The following CATSPER3 variants were observed in gnomAD, a reference collection of about 807,000 sequenced individuals.
The protein encoded by CATSPER3 is cation channel sperm associated 3.
CATSPER3 carries 23 observed loss-of-function variants against 36.6 expected under a neutral mutation model. That is an observed-to-expected ratio of 0.63 (90% CI 0.45 to 0.89). CATSPER3 has a LOEUF of 0.89. CATSPER3 is among the 40% of genes least tolerant of loss of function. The pLI, the probability that CATSPER3 is intolerant of heterozygous loss-of-function variation, is 0.00. For missense variants in CATSPER3, 474 were observed against 503.9 expected (o/e 0.94, Z 0.57); for synonymous variants, 172 against 184.1 (o/e 0.93, Z 0.53).
intron 3 of CATSPER3, among the ~76,000 whole-genome samples, chr5:135,002,452 C>G (rs1437395033): frequency 6.6e-6 from 1 of 152,162 alleles, no homozygotes; most frequent in Non-Finnish European, 1.5e-5. Flanking sequence ...TGGAGTTGCT[C>G]TTCTCGAGGA....
chr5:134,986,062 CA>C (rs1461858634), intron 2 of CATSPER3, among the ~76,000 whole-genome samples: 1 of 151,630 alleles, frequency 6.6e-6, no homozygotes, highest in Non-Finnish European at 1.5e-5. Context: ...TAAAATTAGA[CA>C]AAGTATCTTC....
intron 2 of CATSPER3, among the ~76,000 whole-genome samples, chr5:134,985,461 G>A (rs1177776621): frequency 6.6e-6 from 1 of 152,034 alleles, no homozygotes; most frequent in African/African-American, 2.4e-5. Context: ...AGGAGGGTGA[G>A]GGACAAAAAA....
At chr5:135,004,599 G>A (rs950462787) in intron 3 of CATSPER3, among the ~76,000 whole-genome samples, 1 of 152,184 alleles carries the variant, frequency 6.6e-6, no homozygotes, top group African/African-American at 2.4e-5. Flanking sequence ...CAGGTGTTGG[G>A]CACCAAGGGA....
At chr5:135,011,295 C>T (rs2149554570) in intron 7 of CATSPER3, among the ~76,000 whole-genome samples, 1 of 152,212 alleles carries the variant, frequency 6.6e-6, no homozygotes, top group East Asian at 1.9e-4. Context: ...CTCTCAGGAC[C>T]TAAGAATTTA....
intron 3 of CATSPER3, among the ~76,000 whole-genome samples, chr5:134,997,992 A>G (rs1751971556): frequency 6.6e-6 from 1 of 152,136 alleles, no homozygotes. Context: ...TTACATATGT[A>G]TACATGTGCC....
intron 4 of CATSPER3, among the ~76,000 whole-genome samples, chr5:135,008,492 C>T (rs1162835718): frequency 6.6e-6 from 1 of 152,182 alleles, no homozygotes; most frequent in Admixed American, 6.5e-5. Flanking sequence ...CTAGAAGAAG[C>T]ATGCAAAACC....
chr5:135,010,631 G>T, intron 7 of CATSPER3, 101 bp downstream of exon 7: 1 of 1,013,784 alleles, frequency 9.9e-7, no homozygotes, highest in East Asian at 2.4e-5. Flanking sequence ...CTGAAGTGCT[G>T]ATGGGCAGTG....
chr5:134,972,180 T>G (rs1430820362), intron 2 of CATSPER3, among the ~76,000 whole-genome samples: 4 of 152,192 alleles, frequency 2.6e-5, no homozygotes, highest in African/African-American at 9.7e-5. Flanking sequence ...GACGTGACAC[T>G]CAAAGGAAAT....
chr5:134,976,272 G>A (rs1314919551), intron 2 of CATSPER3, among the ~76,000 whole-genome samples: 1 of 152,134 alleles, frequency 6.6e-6, no homozygotes, highest in African/African-American at 2.4e-5. Flanking sequence ...GATGATCTGT[G>A]ATCACACCTC....
At chr5:134,997,614 T>C (rs1255855159) in intron 3 of CATSPER3, among the ~76,000 whole-genome samples, 3 of 152,180 alleles carry the variant, frequency 2.0e-5, no homozygotes, top group Admixed American at 6.5e-5. Context: ...TGCTTTCTCT[T>C]GGTTTTCCTC....
At position 134,996,496 on chromosome 5, in the gene CATSPER3, A is replaced by G. The variant is rs368860211; in HGVS notation, c.476A>G (p.Tyr159Cys). The G allele has an allele frequency of 3.1e-6, 5 of 1,614,076 alleles. No homozygotes were observed. In the African/African-American group the frequency reaches 4.0e-5, roughly 13 times the overall value. ...CTGCGCATCCTCAAGCTTATCGGCT[A>G]TAGCCAGGGCATCCGGGTGAGTGCA... is the stretch of plus-strand genomic sequence containing the variant. ...QSLRILKLIG[Y>C]SQGIRTLITA... is the part of the protein sequence containing the mutation. The change falls in exon 3 of 8, where the codon TAT (tyrosine) becomes TGT (cysteine). Residue 159 changes from tyrosine to cysteine, a missense_variant. Transcript: ENST00000282611.
chr5:134,991,949 C>T (rs553437029), intron 2 of CATSPER3, among the ~76,000 whole-genome samples: 8 of 151,946 alleles, frequency 5.3e-5, no homozygotes, highest in African/African-American at 1.7e-4. Flanking sequence ...CCTGATGGAA[C>T]CTTGTCTACA....
chr5:134,990,478 GAGGT>G (rs1751865664), intron 2 of CATSPER3, among the ~76,000 whole-genome samples: 1 of 152,200 alleles, frequency 6.6e-6, no homozygotes, highest in South Asian at 2.1e-4. Context: ...AATAGAATGA[GAGGT>G]AGGTTTGCCC....
At position 135,010,622 on chromosome 5, in the gene CATSPER3, T is replaced by TGAAGG; in HGVS notation, c.1094+96_1094+97insGGAAG. The TGAAGG allele has an allele frequency of 2.7e-6, 3 of 1,126,918 alleles. No homozygotes were observed. The East Asian group carries it at 7.1e-5, about 27-fold the overall frequency. 69.8% of individuals were successfully genotyped at this position (1,126,918 alleles called of 1,614,324 possible). On this transcript the variant is annotated intron_variant, in intron 7 of 7. Transcript: ENST00000282611. ...CTGGGAGAGTGAAGGGGGTGATGAC[T>TGAAGG]GAAGTGCTGATGGGCAGTGGGTGGG...
chr5:135,002,657 C>T (rs905808526), intron 3 of CATSPER3, among the ~76,000 whole-genome samples: 1 of 152,170 alleles, frequency 6.6e-6, no homozygotes, highest in African/African-American at 2.4e-5. Flanking sequence ...AGGCTTTGTT[C>T]GTTTTACTCT....
intron 2 of CATSPER3, among the ~76,000 whole-genome samples, chr5:134,982,232 C>T (rs1269547056): frequency 6.6e-6 from 1 of 152,022 alleles, no homozygotes. Flanking sequence ...TACTAATATA[C>T]ACATAATAGG....
rs1470404227 is a variant in CATSPER3, at chr5:134,994,492, G to A, written c.253-1781G>A. Among the ~76,000 whole-genome samples the A allele has an allele frequency of 3.3e-5, 5 of 152,212 alleles. No homozygotes were observed. The South Asian group carries it at 1.0e-3, about 32-fold the overall frequency. ...GTTCAATAACTTCAGAAAACAATTT[G>A]CCAATATATAGTGAAGTTAAGATGT... On this transcript the variant is annotated intron_variant, in intron 2 of 7. Coordinates refer to ENST00000282611, the MANE Select transcript of CATSPER3 (RefSeq NM_178019.3).
intron 2 of CATSPER3, among the ~76,000 whole-genome samples, chr5:134,992,636 A>G (rs1751892646): frequency 1.3e-5 from 2 of 152,050 alleles, no homozygotes; most frequent in African/African-American, 4.8e-5. Context: ...GAGGCAGGAG[A>G]ATCACTTGAA....
At chr5:134,977,513 T>G (rs1751688443) in intron 2 of CATSPER3, among the ~76,000 whole-genome samples, 1 of 152,206 alleles carries the variant, frequency 6.6e-6, no homozygotes, top group Non-Finnish European at 1.5e-5. Flanking sequence ...CTCATCAGCC[T>G]GGGCTTCACT....
Sources: allele counts gnomAD v4.1 joint callset (sites outside exome capture counted in the v4.1 genomes callset), GRCh38; gene constraint gnomAD v4.1.1; transcripts MANE v1.5; gene names NCBI Gene and HGNC (gene_info 2026-07-23, HGNC 2026-07-21).